WWP1: variants seen among roughly 807,000 people sequenced by gnomAD.
WWP1 encodes the protein NEDD4-like E3 ubiquitin-protein ligase WWP1.
Under a neutral mutation model 130.6 loss-of-function variants are expected in WWP1, and 49 were observed. That is an observed-to-expected ratio of 0.38 (90% CI 0.30 to 0.48). The LOEUF (loss-of-function observed/expected upper bound fraction) is 0.48, where lower values mean the gene tolerates loss of function less well. Among genes scored for constraint, WWP1 ranks in the 20% least tolerant of loss-of-function variants. The probability of loss-of-function intolerance (pLI) is 0.99; values close to 1 mark genes in which losing one functional copy is unlikely to be tolerated. For synonymous variants in WWP1, 332 were observed against 367.8 expected (o/e 0.90, Z 1.11); for missense variants, 809 against 1,100.6 (o/e 0.74, Z 3.75).
At chr8:86,430,117 C>T (rs1809855831) in intron 11 of WWP1, among the ~76,000 whole-genome samples, 1 of 152,032 alleles carries the variant, frequency 6.6e-6, no homozygotes, top group South Asian at 2.1e-4. Flanking sequence ...GGGAGGATTG[C>T]TTGAGCCCGG....
chr8:86,466,899 GCTT>G lies in WWP1; in HGVS notation c.*10_*12del, dbSNP rs768709416. 87 of 1,598,668 alleles carry G rather than the reference GCTT, an allele frequency of 5.4e-5. No homozygotes were observed. Among genetic ancestry groups the G allele is most frequent in the Admixed American group, 2.8e-4 (16 of 56,976 alleles). ...AGGGATTTGGACAAGAATGAATGTG[GCTT>G]CTTATTTTGGAGGAGCTCTTGCATT... On this transcript the variant is annotated 3_prime_UTR_variant, in exon 25 of 25. Transcript: ENST00000517970.
intron 16 of WWP1, among the ~76,000 whole-genome samples, chr8:86,436,277 C>A (rs1810286199): frequency 6.6e-6 from 1 of 152,140 alleles, no homozygotes; most frequent in Non-Finnish European, 1.5e-5. Flanking sequence ...GAATTTATTA[C>A]CTCAAAGTTT....
chr8:86,383,943 G>T (rs892390497), intron 5 of WWP1, among the ~76,000 whole-genome samples: 1 of 152,182 alleles, frequency 6.6e-6, no homozygotes, highest in Non-Finnish European at 1.5e-5. Flanking sequence ...CAGACTGGGT[G>T]CCTTAATGGA....
intron 23 of WWP1, 26 bp from the exon 24 acceptor site, chr8:86,461,748 A>C (rs1811777947): frequency 6.2e-7 from 1 of 1,604,752 alleles, no homozygotes; most frequent in African/African-American, 1.3e-5. Flanking sequence ...GGACCAGATA[A>C]ACTTTGTCTT....
intron 3 of WWP1, among the ~76,000 whole-genome samples, chr8:86,377,395 GCTTTT>G (rs1389939120): frequency 6.6e-6 from 1 of 151,780 alleles, no homozygotes; most frequent in Non-Finnish European, 1.5e-5. Context: ...CCACGCCCAG[GCTTTT>G]CTTTTCTTTT....
At position 86,423,873 on chromosome 8, in the gene WWP1, G is replaced by A. The variant is rs1246717375; in HGVS notation, c.1062-1350G>A. 3.3e-3 allele frequency among the ~76,000 whole-genome samples: 442 copies of A among 134,996 alleles called. 2 individuals are homozygous for A. Among genetic ancestry groups the A allele is most frequent in the African/African-American group, 0.011 (401 of 36,906 alleles). The allele number at this position is 134,996 out of a possible 152,430, so 88.6% of individuals were successfully genotyped here. ...CAGAGGCGCCCCCCACCTCCCTCCCGGACGGGGCGGCTGGCCGGGCGGGGG... is the reference window on the plus strand; with the variant it reads ...CAGAGGCGCCCCCCACCTCCCTCCCAGACGGGGCGGCTGGCCGGGCGGGGG... On this transcript the variant is annotated intron_variant, in intron 9 of 24. Coordinates refer to ENST00000517970, the MANE Select transcript of WWP1 (RefSeq NM_007013.4).
At chr8:86,420,704 A>T (rs1809152829) in intron 9 of WWP1, among the ~76,000 whole-genome samples, 1 of 152,186 alleles carries the variant, frequency 6.6e-6, no homozygotes, top group Non-Finnish European at 1.5e-5. Flanking sequence ...AGTGAAAGAG[A>T]CAGTAGGTAC....
chr8:86,347,625 T>C (rs182243654), intron 1 of WWP1, among the ~76,000 whole-genome samples: 121 of 152,332 alleles, frequency 7.9e-4, no homozygotes, highest in African/African-American at 2.8e-3. Flanking sequence ...TTTGTAAGCA[T>C]TGTACCACAG....
chr8:86,423,206 TTTTA>T (rs921166227), intron 9 of WWP1, among the ~76,000 whole-genome samples: 2 of 151,728 alleles, frequency 1.3e-5, no homozygotes, highest in Admixed American at 6.6e-5. Context: ...TAATTTTTAT[TTTTA>T]TTTATTTATT....
At chr8:86,396,282 G>T (rs2130472162) in intron 5 of WWP1, among the ~76,000 whole-genome samples, 1 of 152,056 alleles carries the variant, frequency 6.6e-6, no homozygotes. Flanking sequence ...TGTATTTTTT[G>T]TAGAGACGGG....
chr8:86,366,976 C>G (rs935768907), intron 1 of WWP1, among the ~76,000 whole-genome samples: 1 of 152,034 alleles, frequency 6.6e-6, no homozygotes, highest in Non-Finnish European at 1.5e-5. Flanking sequence ...TGGAGTTGCT[C>G]TATTGAGGGG....
chr8:86,363,206 A>T (rs1255703710), intron 1 of WWP1, among the ~76,000 whole-genome samples: 2 of 152,156 alleles, frequency 1.3e-5, no homozygotes, highest in Non-Finnish European at 2.9e-5. Flanking sequence ...GGACGAGGAA[A>T]CAACAACAAA....
At chr8:86,352,445 G>C (rs1392140333) in intron 1 of WWP1, among the ~76,000 whole-genome samples, 2 of 151,844 alleles carry the variant, frequency 1.3e-5, no homozygotes, top group South Asian at 2.1e-4. Context: ...GGCTGGTCTC[G>C]AACTCCTGGC....
At chr8:86,395,126 T>C (rs1348482116) in intron 5 of WWP1, among the ~76,000 whole-genome samples, 3 of 152,048 alleles carry the variant, frequency 2.0e-5, no homozygotes, top group African/African-American at 4.8e-5. Flanking sequence ...CAAACCACTG[T>C]AAAATTAGGA....
At chr8:86,381,221 AAC>A (rs1170117348) in intron 4 of WWP1, among the ~76,000 whole-genome samples, 1 of 152,180 alleles carries the variant, frequency 6.6e-6, no homozygotes, top group Non-Finnish European at 1.5e-5. Context: ...TTCAAATACA[AAC>A]AGTGTTACTA....
rs1411281834 is a variant in WWP1 at position 86,347,452 on chromosome 8, TACAATGGA to T, written c.-115+4526_-115+4533del. 3.9e-5 allele frequency among the ~76,000 whole-genome samples: 6 copies of T among 152,306 alleles called. No homozygotes were observed. The East Asian group carries it at 9.6e-4, about 24-fold the overall frequency. The stretch of plus-strand genomic sequence containing the variant: ...CCCACCAGACTTCTTACTCTTCATG[TACAATGGA>T]ACATCATTAGTTAAGAGCTGTATGT... On this transcript the variant is annotated intron_variant, in intron 1 of 24. Transcript: ENST00000517970.
At chr8:86,403,779 C>G (rs1283484512) in intron 8 of WWP1, among the ~76,000 whole-genome samples, 1 of 150,892 alleles carries the variant, frequency 6.6e-6, no homozygotes, top group Non-Finnish European at 1.5e-5. Flanking sequence ...TACGGTTTCC[C>G]AAGTACTCAC....
intron 8 of WWP1, among the ~76,000 whole-genome samples, chr8:86,405,855 G>C (rs570827698): frequency 3.9e-4 from 5 of 12,898 alleles, no homozygotes; most frequent in East Asian, 3.3e-3. Context: ...AAATTCCAAA[G>C]AAAGTTATGA....
intron 5 of WWP1, among the ~76,000 whole-genome samples, chr8:86,384,572 C>T (rs1251952019): frequency 6.6e-6 from 1 of 152,056 alleles, no homozygotes; most frequent in Non-Finnish European, 1.5e-5. Context: ...TTTAAAAATA[C>T]TTTTATAAAT....
Sources: gnomAD v4.1 joint callset for allele counts (sites outside exome capture counted in the v4.1 genomes callset) on GRCh38, gnomAD v4.1.1 for gene constraint, MANE v1.5 for transcripts, NCBI Gene and HGNC (gene_info 2026-07-23, HGNC 2026-07-21) for gene names.